SEMA3A: variants seen among roughly 807,000 people sequenced by gnomAD.
SEMA3A encodes semaphorin-3A.
Under a neutral mutation model 97.9 loss-of-function variants are expected in SEMA3A, and 29 were observed. That is an observed-to-expected ratio of 0.30 (90% CI 0.22 to 0.40). The LOEUF (loss-of-function observed/expected upper bound fraction) is 0.40, where lower values mean the gene tolerates loss of function less well. Ranked by LOEUF, SEMA3A falls within the 10% of genes least tolerant of loss-of-function variation. The pLI, the probability that SEMA3A is intolerant of heterozygous loss-of-function variation, is 1.00. For missense variants in SEMA3A, 763 were observed against 951.3 expected (o/e 0.80, Z 2.60); for synonymous variants, 321 against 323.7 (o/e 0.99, Z 0.09).
intron 6 of SEMA3A, among the ~76,000 whole-genome samples, chr7:84,015,676 G>T (rs1161696292): frequency 3.9e-5 from 6 of 152,162 alleles, no homozygotes; most frequent in Non-Finnish European, 5.9e-5. Context: ...ATCAGAACTT[G>T]AAACTAGCTT....
At chr7:84,361,803 G>C (rs1490043028) in intron 2 of SEMA3A, among the ~76,000 whole-genome samples, 2 of 151,960 alleles carry the variant, frequency 1.3e-5, no homozygotes, top group Non-Finnish European at 2.9e-5. Context: ...GTAGGCCAGG[G>C]AAGTTAACTG....
At chr7:84,142,408 C>T (rs920520871) in intron 1 of SEMA3A, among the ~76,000 whole-genome samples, 2 of 152,068 alleles carry the variant, frequency 1.3e-5, no homozygotes, top group East Asian at 1.9e-4. Flanking sequence ...AGTTCATTCC[C>T]ATTTTTTTCT....
chr7:84,297,547 T>C (rs371353650), intron 3 of SEMA3A, among the ~76,000 whole-genome samples: 7 of 152,288 alleles, frequency 4.6e-5, no homozygotes, highest in Admixed American at 1.3e-4. Context: ...GAAAATAAAT[T>C]GTTCCAGAAT....
intron 16 of SEMA3A, among the ~76,000 whole-genome samples, chr7:83,962,957 A>T (rs1788530227): frequency 6.6e-6 from 1 of 152,162 alleles, no homozygotes; most frequent in Non-Finnish European, 1.5e-5. Context: ...GGGGAGTCTA[A>T]TATGTATCCC....
At chr7:84,210,319 G>A (rs554259393) in intron 3 of SEMA3A, among the ~76,000 whole-genome samples, 3 of 152,166 alleles carry the variant, frequency 2.0e-5, no homozygotes, top group Non-Finnish European at 4.4e-5. Context: ...GGTTTTACAG[G>A]AGGCTTCCTG....
At chr7:84,424,890 A>G (rs1231427295) in intron 1 of SEMA3A, among the ~76,000 whole-genome samples, 1 of 83,636 alleles carries the variant, frequency 1.2e-5, no homozygotes, top group Non-Finnish European at 2.1e-5. Flanking sequence ...TATTATATAT[A>G]AATAATTTAT....
At chr7:84,056,617 A>C (rs886646512) in intron 5 of SEMA3A, among the ~76,000 whole-genome samples, 1 of 152,088 alleles carries the variant, frequency 6.6e-6, no homozygotes, top group African/African-American at 2.4e-5. Context: ...TATCACACAC[A>C]CAGAAACACA....
At chr7:84,437,998 G>C (rs1430527810) in intron 1 of SEMA3A, among the ~76,000 whole-genome samples, 1 of 151,852 alleles carries the variant, frequency 6.6e-6, no homozygotes, top group Non-Finnish European at 1.5e-5. Flanking sequence ...AAAAGATAAA[G>C]AATGAAAGAA....
chr7:84,118,945 TCTTACAG>T (rs1795517158), intron 3 of SEMA3A, among the ~76,000 whole-genome samples: 1 of 152,134 alleles, frequency 6.6e-6, no homozygotes, highest in South Asian at 2.1e-4. Context: ...AAAAGATATA[TCTTACAG>T]CCATAGACTA....
intron 4 of SEMA3A, among the ~76,000 whole-genome samples, chr7:84,104,813 G>A (rs1406695110): frequency 6.6e-6 from 1 of 152,102 alleles, no homozygotes; most frequent in Admixed American, 6.6e-5. Flanking sequence ...TAACTGCAAA[G>A]CTTCTCCTCA....
intron 11 of SEMA3A, among the ~76,000 whole-genome samples, chr7:84,004,204 T>C (rs969017899): frequency 1.4e-4 from 21 of 152,048 alleles, no homozygotes; most frequent in Non-Finnish European, 2.2e-4. Flanking sequence ...TGACCCTAAG[T>C]AGCAAGTATC....
chr7:84,180,038 C>T (rs1183983041), intron 1 of SEMA3A, among the ~76,000 whole-genome samples: 1 of 149,512 alleles, frequency 6.7e-6, no homozygotes, highest in Non-Finnish European at 1.5e-5. Context: ...CCTCCACCTC[C>T]CGGGTTCAAG....
chr7:83,961,457 T>C lies in SEMA3A; in HGVS notation c.2230A>G (p.Ser744Gly), dbSNP rs749759577. Residue 744 changes from serine to glycine, a missense_variant, in exon 17 of 17, where the codon AGT becomes GGT. Ser to Gly is a moderately conservative substitution (Grantham distance 56, BLOSUM62 0). Transcript: ENST00000265362. ...RQRPGHTPGN[S>G]NKWKHLQENK... is the part of the protein sequence containing the mutation. ...TCTTGTAAGTGCTTCCATTTGTTAC[T>C]GTTCCCTGGGGTATGTCCTGGCCTT... is the stretch of plus-strand genomic sequence containing the variant. 5.6e-6 allele frequency: 9 copies of C among 1,614,034 alleles called. No individual in the cohort carries two copies. Among genetic ancestry groups the C allele is most frequent in the South Asian group, 1.1e-5 (1 of 91,096 alleles).
At chr7:84,320,103 C>G (rs755435343) in intron 2 of SEMA3A, among the ~76,000 whole-genome samples, 11 of 152,064 alleles carry the variant, frequency 7.2e-5, no homozygotes, top group African/African-American at 4.8e-5. Context: ...TTCTTATTTT[C>G]TGGGCCCACA....
intron 1 of SEMA3A, among the ~76,000 whole-genome samples, chr7:84,490,336 T>C (rs1227083824): frequency 6.6e-6 from 1 of 152,094 alleles, no homozygotes; most frequent in Non-Finnish European, 1.5e-5. Context: ...TTTTTCGCCA[T>C]TAGTGAAAAA....
At position 84,311,000 on chromosome 7, in the gene SEMA3A, TTA is replaced by T. The variant is rs4016123; in HGVS notation, c.-168-3710_-168-3709del. On this transcript the variant is annotated intron_variant, in intron 2 of 3. Coordinates refer to the SEMA3A transcript ENST00000424555. ...TGATTTTTATTAGAATTAGTAGATG[TTA>T]TATATATATATATATTTCTAATGGC... is the stretch of plus-strand genomic sequence containing the variant. Among the ~76,000 whole-genome samples the T allele has an allele frequency of 1.5e-3, 227 of 148,644 alleles. 1 individual carries two copies. The highest frequency in any genetic ancestry group is 5.2e-3 in the African/African-American group (212 of 40,730).
intron 2 of SEMA3A, among the ~76,000 whole-genome samples, chr7:84,333,502 A>G (rs376026658): frequency 1.3e-5 from 2 of 152,136 alleles, no homozygotes; most frequent in East Asian, 3.9e-4. Context: ...GAGTGACTTT[A>G]GTTAATAGAA....
At chr7:84,344,629 C>T (rs1802251988) in intron 2 of SEMA3A, among the ~76,000 whole-genome samples, 1 of 152,190 alleles carries the variant, frequency 6.6e-6, no homozygotes, top group South Asian at 2.1e-4. Context: ...AGAGAGGCCT[C>T]TGTTTGTTTG....
chr7:84,387,723 T>C (rs2116163049), intron 1 of SEMA3A, among the ~76,000 whole-genome samples: 1 of 152,278 alleles, frequency 6.6e-6, no homozygotes, highest in South Asian at 2.1e-4. Flanking sequence ...TCCTGACTTC[T>C]AAAGAAACAG....
Sources: gnomAD v4.1 joint callset for allele counts (sites outside exome capture counted in the v4.1 genomes callset) on GRCh38, gnomAD v4.1.1 for gene constraint, MANE v1.5 for transcripts, NCBI Gene and HGNC (gene_info 2026-07-23, HGNC 2026-07-21) for gene names.